TMEM131L: variants seen among roughly 807,000 people sequenced by gnomAD.
TMEM131L encodes transmembrane protein 131-like.
Under a neutral mutation model 192.2 loss-of-function variants are expected in TMEM131L, and 54 were observed. The observed-to-expected ratio is 0.28, with a 90% CI of 0.23 to 0.35. The LOEUF (loss-of-function observed/expected upper bound fraction) is 0.35, where lower values mean the gene tolerates loss of function less well. TMEM131L is among the 10% of genes least tolerant of loss of function. The pLI is 1.00. For missense variants in TMEM131L, 1,888 were observed against 1,972.9 expected, an observed-to-expected ratio of 0.96 and a Z score of 0.82; for synonymous variants, 701 against 704.9, an observed-to-expected ratio of 0.99 and a Z score of 0.09.
chr4:153,474,025 G>T, intron 3 of TMEM131L, 137 bp downstream of exon 3: 1 of 553,440 alleles, frequency 1.8e-6, no homozygotes, highest in Middle Eastern at 2.8e-4. Flanking sequence ...GGCATTTGTC[G>T]TATCTATACC....
intron 7 of TMEM131L, among the ~76,000 whole-genome samples, chr4:153,569,793 C>T (rs546278924): frequency 9.2e-5 from 14 of 152,344 alleles, no homozygotes; most frequent in Admixed American, 8.5e-4. Flanking sequence ...TAGTCTCTGG[C>T]ACATAGCTGA....
At chr4:153,580,930 C>A in intron 8 of TMEM131L, 27 bp downstream of exon 8, 1 of 1,425,732 alleles carries the variant, frequency 7.0e-7, no homozygotes, top group South Asian at 1.2e-5. Context: ...AGTGTTTTCT[C>A]TCTGCTTTCC....
chr4:153,615,775 T>C (rs1332204642), intron 26 of TMEM131L, among the ~76,000 whole-genome samples: 1 of 152,124 alleles, frequency 6.6e-6, no homozygotes. Flanking sequence ...GAATGGATTA[T>C]CCCAAGGTCC....
intron 7 of TMEM131L, among the ~76,000 whole-genome samples, chr4:153,578,530 T>C (rs1415678929): frequency 6.6e-6 from 1 of 150,996 alleles, no homozygotes; most frequent in South Asian, 2.1e-4. Flanking sequence ...TAGTTTTTTT[T>C]TTTTTTTTTT....
intron 3 of TMEM131L, among the ~76,000 whole-genome samples, chr4:153,502,020 C>T (rs1028302984): frequency 6.9e-5 from 10 of 145,760 alleles, no homozygotes; most frequent in African/African-American, 2.4e-4. Context: ...GGCATGATCA[C>T]GGCTCACTGC....
At chr4:153,528,670 T>C (rs754900833) in intron 3 of TMEM131L, among the ~76,000 whole-genome samples, 2 of 152,166 alleles carry the variant, frequency 1.3e-5, no homozygotes, top group Non-Finnish European at 2.9e-5. Flanking sequence ...TGTCTCGTAA[T>C]GTGTTCATAT....
At chr4:153,582,481 G>A (rs1730429399) in intron 9 of TMEM131L, among the ~76,000 whole-genome samples, 1 of 110,606 alleles carries the variant, frequency 9.0e-6, no homozygotes, top group South Asian at 3.0e-4. Context: ...TTCTCCCTGT[G>A]TTGCTCAGGA....
At chr4:153,572,600 G>T (rs1729662266) in intron 7 of TMEM131L, among the ~76,000 whole-genome samples, 1 of 152,074 alleles carries the variant, frequency 6.6e-6, no homozygotes. Flanking sequence ...CAAAGTGCTG[G>T]TATTTCAGGC....
Position 153,587,750 on chromosome 4 carries a change from T to G in TMEM131L, c.1491T>G (p.Ser497Arg), listed in dbSNP as rs1427094402. ...ATTACTTTTCAATCTAGGAAGGGAG[T>G]CTGGGTTTTGAAGTGATAGCACATT... The part of the protein sequence containing the change: ...QIYSAPTKEG[S>R]LGFEVIAHCG... Residue 497 changes from serine to arginine, a missense_variant, in exon 15 of 35, where the codon AGT becomes AGG. Ser to Arg is a moderately radical substitution (Grantham distance 110, BLOSUM62 -1). Coordinates refer to ENST00000409959, the MANE Select transcript of TMEM131L (RefSeq NM_001131007.2). The G allele has an allele frequency of 4.3e-6, 7 of 1,609,796 alleles. No homozygotes were observed. Among genetic ancestry groups the G allele is most frequent in the Non-Finnish European group, 6.0e-6 (7 of 1,176,246 alleles).
At chr4:153,487,901 T>C (rs1421132677) in intron 3 of TMEM131L, among the ~76,000 whole-genome samples, 1 of 150,152 alleles carries the variant, frequency 6.7e-6, no homozygotes, top group Non-Finnish European at 1.5e-5. Flanking sequence ...CTGGTGGGCC[T>C]GTGGCTGAGA....
chr4:153,624,760 T>C (rs1733711647), intron 29 of TMEM131L, among the ~76,000 whole-genome samples: 1 of 152,204 alleles, frequency 6.6e-6, no homozygotes, highest in Non-Finnish European at 1.5e-5. Flanking sequence ...CCTCATCTCC[T>C]ATTCTCCTCA....
At chr4:153,514,296 A>G (rs1056176880) in intron 3 of TMEM131L, among the ~76,000 whole-genome samples, 2 of 152,362 alleles carry the variant, frequency 1.3e-5, no homozygotes, top group Non-Finnish European at 2.9e-5. Flanking sequence ...GCTCTGTAGC[A>G]GGACCAGAGG....
At chr4:153,469,089 G>C (rs1177018402) in intron 2 of TMEM131L, among the ~76,000 whole-genome samples, 3 of 152,054 alleles carry the variant, frequency 2.0e-5, no homozygotes, top group Non-Finnish European at 2.9e-5. Flanking sequence ...CTTAATTTCT[G>C]GTTTATTTGT....
At chr4:153,474,911 C>T (rs1421495919) in intron 3 of TMEM131L, among the ~76,000 whole-genome samples, 1 of 152,114 alleles carries the variant, frequency 6.6e-6, no homozygotes, top group Non-Finnish European at 1.5e-5. Flanking sequence ...ACTTGTCAAA[C>T]TGGGTCCCTT....
At position 153,584,870 on chromosome 4, in the gene TMEM131L, G is replaced by T. The variant is rs1307280936; in HGVS notation, c.1096G>T (p.Val366Leu). ...TSCDSGIIEDVKKTTHTPTLK... is the reference protein window; with the variant it reads ...TSCDSGIIEDLKKTTHTPTLK... Reference sequence around the variant, plus strand: ...ATGTGACAGTGGAATTATAGAAGATGTGAAGAAAACAACACACACTCCAAC... The same window carrying T: ...ATGTGACAGTGGAATTATAGAAGATTTGAAGAAAACAACACACACTCCAAC... The change falls in exon 12 of 35, where the codon GTG becomes TTG. Residue 366 changes from valine to leucine, a missense_variant. Val to Leu is a conservative substitution (Grantham distance 32). Transcript: ENST00000409959. 6.2e-7 allele frequency: 1 copy of T among 1,613,998 alleles called. No homozygotes were observed. The highest frequency in any genetic ancestry group is 1.3e-5 in the African/African-American group (1 of 74,916).
chr4:153,518,255 A>T (rs555916095), intron 3 of TMEM131L, among the ~76,000 whole-genome samples: 119 of 152,344 alleles, frequency 7.8e-4, no homozygotes, highest in African/African-American at 2.6e-3. Context: ...ACACTTGCAC[A>T]TTAAAAACTC....
In TMEM131L at chr4:153,537,284, A is replaced by C. The variant is rs17030101; in HGVS notation, c.240-12789A>C. ...ATTGTTCCTGATTGGGACCCAGTGA[A>C]CCTGTTACAGGAAAGAGGTTCTGAT... On this transcript the variant is annotated intron_variant, in intron 3 of 34. Coordinates refer to ENST00000409959, the MANE Select transcript of TMEM131L (RefSeq NM_001131007.2). 3.5e-3 allele frequency among the ~76,000 whole-genome samples: 538 copies of C among 152,236 alleles called. 5 individuals carry two copies. Among genetic ancestry groups the C allele is most frequent in the African/African-American group, 0.012 (507 of 41,538 alleles).
intron 19 of TMEM131L, among the ~76,000 whole-genome samples, chr4:153,595,372 G>A (rs1423368201): frequency 1.3e-5 from 2 of 152,152 alleles, no homozygotes; most frequent in Admixed American, 1.3e-4. Flanking sequence ...AAAGTCAGCA[G>A]CTTTTAAATT....
At chr4:153,551,817 T>C (rs1194399532) in intron 4 of TMEM131L, among the ~76,000 whole-genome samples, 1 of 152,350 alleles carries the variant, frequency 6.6e-6, no homozygotes, top group African/African-American at 2.4e-5. Flanking sequence ...TAATAGAAGC[T>C]GAATGCTTAG....
Sources: gnomAD v4.1 joint callset for allele counts (sites outside exome capture counted in the v4.1 genomes callset) on GRCh38, gnomAD v4.1.1 for gene constraint, MANE v1.5 for transcripts, NCBI Gene and HGNC (gene_info 2026-07-23, HGNC 2026-07-21) for gene names.